The following AGPAT3 variants were observed in gnomAD, a reference collection of about 807,000 sequenced individuals.
The protein encoded by AGPAT3 is 1-acyl-sn-glycerol-3-phosphate acyltransferase gamma.
AGPAT3 carries 5 observed loss-of-function variants against 47.3 expected under a neutral mutation model. The ratio of observed to expected loss-of-function variants is 0.11; its 90% CI spans 0.06 to 0.22. The LOEUF (loss-of-function observed/expected upper bound fraction) is 0.22, where lower values mean the gene tolerates loss of function less well. AGPAT3 is among the 10% of genes least tolerant of loss of function. The probability of loss-of-function intolerance (pLI) is 1.00; values close to 1 mark genes in which losing one functional copy is unlikely to be tolerated. For missense variants in AGPAT3, 315 were observed against 493.0 expected, an observed-to-expected ratio of 0.64 and a Z score of 3.42; for synonymous variants, 212 against 208.3, an observed-to-expected ratio of 1.02 and a Z score of -0.15.
At position 43,939,282 on chromosome 21, in the gene AGPAT3, T is replaced by C. The variant is rs568849584; in HGVS notation, c.-48-20352T>C. On this transcript the variant is annotated intron_variant, in intron 2 of 9. Transcript: ENST00000291572. The surrounding 1 kb of genome is among the most constrained non-coding windows in gnomAD (Gnocchi z 4.4). Reference sequence around the variant, plus strand: ...GTCCCCGTGTGCTGTCGAGGGCCTCTAGCGGGCGCTCCCTTGATAACACCC... The same window carrying C: ...GTCCCCGTGTGCTGTCGAGGGCCTCCAGCGGGCGCTCCCTTGATAACACCC... Among the ~76,000 whole-genome samples the C allele has an allele frequency of 6.6e-5, 10 of 151,990 alleles. 1 individual carries two copies. The South Asian group carries it at 1.9e-3, about 28-fold the overall frequency.
intron 1 of AGPAT3, among the ~76,000 whole-genome samples, chr21:43,893,447 T>C (rs896936507): frequency 2.0e-5 from 3 of 152,262 alleles, no homozygotes; most frequent in African/African-American, 7.2e-5. Context: ...CATTTTCTTA[T>C]CATTTGTGTG....
intron 2 of AGPAT3, among the ~76,000 whole-genome samples, chr21:43,931,290 C>T (rs185928455): frequency 6.6e-5 from 10 of 152,250 alleles, no homozygotes; most frequent in East Asian, 1.9e-4. Flanking sequence ...GAGTTTCGCT[C>T]GGTCACTGGC....
At chr21:43,931,246 CCACTGCTGGGGTGAGGGAGGTTAAT>C (rs1329165705) in intron 2 of AGPAT3, among the ~76,000 whole-genome samples, 1 of 152,130 alleles carries the variant, frequency 6.6e-6, no homozygotes, top group Non-Finnish European at 1.5e-5. Context: ...TAGTGACGTC[CCACTGCTGGGGTGAGGGAGGTTAAT>C]CACACCTGGA....
At chr21:43,899,704 A>G (rs2086308470) in intron 1 of AGPAT3, among the ~76,000 whole-genome samples, 1 of 152,110 alleles carries the variant, frequency 6.6e-6, no homozygotes, top group South Asian at 2.1e-4. Flanking sequence ...GCTGAGGATC[A>G]CTGGTCCCCC....
intron 2 of AGPAT3, among the ~76,000 whole-genome samples, chr21:43,946,171 G>C (rs1297721730): frequency 2.0e-5 from 3 of 152,206 alleles, no homozygotes; most frequent in Non-Finnish European, 4.4e-5. Context: ...GTCTCTGATG[G>C]GATGAAGCAA....
At chr21:43,953,539 A>G (rs1301543621) in intron 2 of AGPAT3, among the ~76,000 whole-genome samples, 2 of 152,220 alleles carry the variant, frequency 1.3e-5, no homozygotes, top group Non-Finnish European at 2.9e-5. Flanking sequence ...GTGATCAATA[A>G]AAGACTTTCA....
intron 2 of AGPAT3, among the ~76,000 whole-genome samples, chr21:43,905,630 A>G (rs1333863311): frequency 1.3e-5 from 2 of 152,248 alleles, no homozygotes; most frequent in Non-Finnish European, 2.9e-5. Flanking sequence ...TGGATTCACA[A>G]AAGTTTACTT....
intron 2 of AGPAT3, among the ~76,000 whole-genome samples, chr21:43,937,260 G>C (rs528454914): frequency 1.1e-4 from 16 of 152,336 alleles, no homozygotes; most frequent in African/African-American, 3.1e-4. Context: ...TTGGTCCCTA[G>C]ATATGTGTGA....
intron 2 of AGPAT3, among the ~76,000 whole-genome samples, chr21:43,946,151 G>T (rs913194035): frequency 6.6e-6 from 1 of 152,186 alleles, no homozygotes; most frequent in African/African-American, 2.4e-5. Context: ...TGGTTGTCCT[G>T]CAGCCTCAGG....
At chr21:43,904,457 G>A (rs753270380) in intron 2 of AGPAT3, among the ~76,000 whole-genome samples, 19 of 152,154 alleles carry the variant, frequency 1.2e-4, no homozygotes, top group Non-Finnish European at 2.8e-4. Context: ...GCAGAGGTGT[G>A]GCCCGGGGAC....
At chr21:43,969,461 A>G (rs1055534665) in intron 5 of AGPAT3, among the ~76,000 whole-genome samples, 182 bp downstream of exon 5, 1 of 152,090 alleles carries the variant, frequency 6.6e-6, no homozygotes, top group Non-Finnish European at 1.5e-5. Context: ...CTCTTGGGCC[A>G]CCTGCTTGCT....
chr21:43,937,907 G>T (rs1226511704), intron 2 of AGPAT3, among the ~76,000 whole-genome samples: 2 of 152,166 alleles, frequency 1.3e-5, no homozygotes, highest in African/African-American at 2.4e-5. Flanking sequence ...CTTGTTAGAA[G>T]AAGTGCCAGG....
chr21:43,865,435 G>T (rs2085482458), intron 1 of AGPAT3, 90 bp downstream of exon 1: 2 of 146,400 alleles, frequency 1.4e-5, no homozygotes, highest in Admixed American at 6.8e-5. Context: ...CGCCGCCGGA[G>T]GTCGCCCCTG....
chr21:43,941,068 G>A (rs1010117532), intron 2 of AGPAT3, among the ~76,000 whole-genome samples: 2 of 152,248 alleles, frequency 1.3e-5, no homozygotes, highest in Non-Finnish European at 2.9e-5. Context: ...TCCATGGGGT[G>A]TGTGATGATG....
intron 1 of AGPAT3, among the ~76,000 whole-genome samples, chr21:43,869,371 G>A (rs2085575756): frequency 6.6e-6 from 1 of 152,192 alleles, no homozygotes; most frequent in Non-Finnish European, 1.5e-5. Flanking sequence ...TTATTAGGGA[G>A]CTACACATAA....
chr21:43,933,742 G>A lies in AGPAT3; in HGVS notation c.-48-25892G>A, dbSNP rs368835246. Among the ~76,000 whole-genome samples, 2 of 151,798 alleles carry A rather than the reference G, an allele frequency of 1.3e-5. No individual in the cohort carries two copies. The highest frequency in any genetic ancestry group is 1.9e-4 in the East Asian group (1 of 5,178). ...GGGAGAGTCAGGAGAGAAGGACGCC[G>A]CATACCAGATGCCCAGAGGCCCCGG... is the stretch of plus-strand genomic sequence containing the variant. On this transcript the variant is annotated intron_variant, in intron 2 of 9. Transcript: ENST00000291572. This position sits in a 1 kb window ranked among gnomAD's most constrained non-coding sequence, Gnocchi z 6.0.
chr21:43,921,810 G>T (rs1048532314), intron 2 of AGPAT3, among the ~76,000 whole-genome samples: 17 of 151,806 alleles, frequency 1.1e-4, no homozygotes, highest in Non-Finnish European at 1.6e-4. Context: ...TTTCCCCCAG[G>T]GATAAAGCGT....
chr21:43,913,975 A>G (rs1230011509), intron 2 of AGPAT3, among the ~76,000 whole-genome samples: 1 of 152,260 alleles, frequency 6.6e-6, no homozygotes, highest in Non-Finnish European at 1.5e-5. Context: ...GGGATAAACC[A>G]GCTTTTGTAA....
At chr21:43,926,664 T>C (rs1467852452) in intron 2 of AGPAT3, among the ~76,000 whole-genome samples, 1 of 65,044 alleles carries the variant, frequency 1.5e-5, no homozygotes, top group Non-Finnish European at 3.1e-5. Flanking sequence ...TTTTTTTTTT[T>C]TAATAAAAAG....
Sources: gnomAD v4.1 joint callset for allele counts (sites outside exome capture counted in the v4.1 genomes callset) on GRCh38, gnomAD v4.1.1 for gene constraint, Gnocchi (gnomAD v3.1) non-coding constraint, MANE v1.5 for transcripts, NCBI Gene and HGNC (gene_info 2026-07-23, HGNC 2026-07-21) for gene names.